Variants in CHN2 observed in about 807,000 individuals in gnomAD.
CHN2 encodes the protein beta-chimaerin.
CHN2 carries 35 observed loss-of-function variants against 56.3 expected under a neutral mutation model. The ratio of observed to expected loss-of-function variants is 0.62; its 90% CI spans 0.47 to 0.82. CHN2 has a LOEUF of 0.82. Among genes scored for constraint, CHN2 ranks in the 40% least tolerant of loss-of-function variants. CHN2 has a pLI of 0.00. For missense variants in CHN2, 491 were observed against 580.5 expected, an observed-to-expected ratio of 0.85 and a Z score of 1.58; for synonymous variants, 210 against 212.8, an observed-to-expected ratio of 0.99 and a Z score of 0.12.
intron 1 of CHN2, among the ~76,000 whole-genome samples, chr7:29,274,139 T>C (rs575524380): frequency 1.5e-4 from 23 of 152,320 alleles, no homozygotes; most frequent in Non-Finnish European, 2.8e-4. Flanking sequence ...TTACGAACAT[T>C]CGGGAAAGCA....
chr7:29,315,976 A>C (rs1585039868), intron 1 of CHN2, among the ~76,000 whole-genome samples: 1 of 152,224 alleles, frequency 6.6e-6, no homozygotes, highest in Non-Finnish European at 1.5e-5. Flanking sequence ...CCATTCACCT[A>C]GTAGAGCACA....
intron 3 of CHN2, among the ~76,000 whole-genome samples, chr7:29,391,565 T>A (rs1801374495): frequency 6.6e-6 from 1 of 152,212 alleles, no homozygotes; most frequent in Non-Finnish European, 1.5e-5. Flanking sequence ...TCTTTTATTT[T>A]CTAGTGGTTT....
intron 1 of CHN2, chr7:29,198,124 G>C (rs1783890288): frequency 4.5e-6 from 2 of 445,784 alleles, no homozygotes; most frequent in Non-Finnish European, 9.0e-6. Context: ...AGGTAGCAGT[G>C]GGTTTGATGG....
At chr7:29,361,320 A>C (rs1287148664) in intron 2 of CHN2, among the ~76,000 whole-genome samples, 5 of 152,166 alleles carry the variant, frequency 3.3e-5, no homozygotes, top group African/African-American at 9.7e-5. Flanking sequence ...ATTTGAAGCT[A>C]AGAGAGGAGA....
At chr7:29,241,713 A>C (rs1787695183) in intron 1 of CHN2, among the ~76,000 whole-genome samples, 1 of 152,088 alleles carries the variant, frequency 6.6e-6, no homozygotes, top group South Asian at 2.1e-4. Flanking sequence ...AGAGAGTGCC[A>C]GGTAGTAGGT....
At chr7:29,147,035 G>A in intron 2 of CHN2, 1 of 1,540,414 alleles carries the variant, frequency 6.5e-7, no homozygotes, top group Non-Finnish European at 8.8e-7. Context: ...AGAGCCACCT[G>A]ATGTGTTCTG....
intron 6 of CHN2, among the ~76,000 whole-genome samples, chr7:29,463,789 A>G (rs1045276453): frequency 3.9e-5 from 6 of 152,212 alleles, no homozygotes; most frequent in Admixed American, 3.9e-4. Flanking sequence ...TGAGGGGCCC[A>G]CAAGAACTAG....
intron 1 of CHN2, among the ~76,000 whole-genome samples, chr7:29,215,439 A>C (rs39057): frequency 0.82 from 124,306 of 152,092 alleles, 51,609 homozygotes; most frequent in African/African-American, 0.95. Flanking sequence ...CAGAGGTCCC[A>C]ATTAAGGGTC....
chr7:29,155,802 AT>A (rs1165223298), intron 2 of CHN2, among the ~76,000 whole-genome samples: 4 of 150,466 alleles, frequency 2.7e-5, no homozygotes, highest in South Asian at 2.1e-4. Flanking sequence ...CTTGTGATGG[AT>A]TTTTTTTTTC....
At position 29,307,113 on chromosome 7, in the gene CHN2, A is replaced by G. The variant is rs192734479; in HGVS notation, c.50-47512A>G. Reference sequence around the variant, plus strand: ...GATTCGCCTTCAGCTAAATCATTTAACCAGACCAAGGGAACTGAGATTTGA... The same window carrying G: ...GATTCGCCTTCAGCTAAATCATTTAGCCAGACCAAGGGAACTGAGATTTGA... On this transcript the variant is annotated intron_variant, in intron 1 of 12. Coordinates refer to ENST00000222792, the MANE Select transcript of CHN2 (RefSeq NM_004067.4). 4.9e-3 allele frequency among the ~76,000 whole-genome samples: 747 copies of G among 152,304 alleles called. 5 individuals are homozygous for G. The highest frequency in any genetic ancestry group is 8.3e-3 in the Non-Finnish European group (564 of 68,026).
At chr7:29,458,463 T>G (rs1784929397) in intron 6 of CHN2, among the ~76,000 whole-genome samples, 1 of 151,950 alleles carries the variant, frequency 6.6e-6, no homozygotes, top group Non-Finnish European at 1.5e-5. Flanking sequence ...TTAGCTGCCC[T>G]ACCTCTGTTC....
At chr7:29,373,475 G>A (rs1799784066) in intron 3 of CHN2, among the ~76,000 whole-genome samples, 1 of 152,104 alleles carries the variant, frequency 6.6e-6, no homozygotes, top group African/African-American at 2.4e-5. Flanking sequence ...ACGCCCGGCC[G>A]GCAGTGGCCA....
At chr7:29,304,163 A>G (rs1233821151) in intron 1 of CHN2, among the ~76,000 whole-genome samples, 2 of 152,212 alleles carry the variant, frequency 1.3e-5, no homozygotes, top group Non-Finnish European at 2.9e-5. Context: ...AAGCCACTGG[A>G]GTTAGTACTT....
intron 12 of CHN2, among the ~76,000 whole-genome samples, chr7:29,512,104 G>A (rs1442949797): frequency 1.3e-5 from 2 of 151,730 alleles, no homozygotes; most frequent in East Asian, 1.9e-4. Flanking sequence ...CTCTGGCACC[G>A]GTCCTCCCAG....
chr7:29,374,648 G>T (rs1399519766), intron 3 of CHN2, among the ~76,000 whole-genome samples: 1 of 152,150 alleles, frequency 6.6e-6, no homozygotes, highest in African/African-American at 2.4e-5. Flanking sequence ...AGGTGAGCTG[G>T]AGAGGGCCAC....
At chr7:29,440,684 C>CA (rs556692737) in intron 6 of CHN2, among the ~76,000 whole-genome samples, 2,013 of 45,482 alleles carry the variant, frequency 0.044, 285 homozygotes, top group East Asian at 0.083. Flanking sequence ...GACTCCGTCT[C>CA]AAAAAAAAAA....
chr7:29,352,595 C>T (rs1210053664), intron 1 of CHN2, among the ~76,000 whole-genome samples: 31 of 151,838 alleles, frequency 2.0e-4, no homozygotes, highest in Admixed American at 1.8e-3. Context: ...TGGTGGCACA[C>T]GCCTGTAATC....
intron 2 of CHN2, among the ~76,000 whole-genome samples, chr7:29,162,491 A>G (rs1795316366): frequency 6.6e-6 from 1 of 151,972 alleles, no homozygotes; most frequent in Non-Finnish European, 1.5e-5. Context: ...GAGAAGCCCC[A>G]TCTCTACTAA....
Position 29,159,577 on chromosome 7 carries a change from G to A in CHN2, c.274+12617G>A, listed in dbSNP as rs185034811. ...AGTGATGAAATGGGGTGGCTAATTCGAGAAAACCTCTTCCCACACAAGTCT... is the reference window on the plus strand; with the variant it reads ...AGTGATGAAATGGGGTGGCTAATTCAAGAAAACCTCTTCCCACACAAGTCT... On this transcript the variant is annotated intron_variant, in intron 2 of 6. Coordinates refer to the CHN2 transcript ENST00000439384. 8.0e-4 allele frequency among the ~76,000 whole-genome samples: 122 copies of A among 152,142 alleles called. 1 individual carries two copies. Among genetic ancestry groups the A allele is most frequent in the Admixed American group, 2.4e-3 (36 of 15,276 alleles).
Sources: allele counts gnomAD v4.1 joint callset (sites outside exome capture counted in the v4.1 genomes callset), GRCh38; gene constraint gnomAD v4.1.1; transcripts MANE v1.5; gene names NCBI Gene and HGNC (gene_info 2026-07-23, HGNC 2026-07-21).